The following PPP1R12B variants were observed in gnomAD, a reference collection of about 807,000 sequenced individuals.
PPP1R12B encodes the protein protein phosphatase 1 regulatory subunit 12B.
PPP1R12B carries 76 observed loss-of-function variants against 126.1 expected under a neutral mutation model. The observed-to-expected ratio is 0.60, with a 90% CI of 0.50 to 0.73. The LOEUF (loss-of-function observed/expected upper bound fraction) is 0.73. Among genes scored for constraint, PPP1R12B ranks in the 30% least tolerant of loss-of-function variants. The pLI is 0.00. For missense variants in PPP1R12B, 1,052 were observed against 1,205.1 expected, an observed-to-expected ratio of 0.87 and a Z score of 1.88; for synonymous variants, 356 against 434.7, an observed-to-expected ratio of 0.82 and a Z score of 2.25.
rs369270703 is a variant in PPP1R12B, at chr1:202,438,009, G to A, written c.1443G>A (p.Leu481=). 1.2e-4 allele frequency: 192 copies of A among 1,613,770 alleles called. No homozygotes were observed. In the African/African-American group the frequency reaches 1.7e-3, roughly 14 times the overall value. Residue 481 remains leucine, a synonymous_variant, in exon 10 of 24, where the codon CTG becomes CTA. Transcript: ENST00000608999. ...CAAGCCCTCGGATTTCTGCTCTACT[G>A]GACAACAAAGATAAGGTGCAGTTTG... is the stretch of plus-strand genomic sequence containing the variant. ...SSSSPRISAL[L]DNKDKERENK...
At chr1:202,410,286 A>G (rs1667219873) in intron 1 of PPP1R12B, 1 of 152,218 alleles carries the variant, frequency 6.6e-6, no homozygotes, top group South Asian at 2.1e-4. Context: ...ATATACTCTC[A>G]ACAATTTTGT....
At chr1:202,575,497 A>T (rs966446001) in intron 23 of PPP1R12B, 6 of 167,212 alleles carry the variant, frequency 3.6e-5, no homozygotes, top group Admixed American at 6.3e-5. Context: ...ACATATACAT[A>T]TTTCATTGAC....
intron 3 of PPP1R12B, among the ~76,000 whole-genome samples, chr1:202,424,919 C>T (rs910803275): frequency 6.6e-6 from 1 of 152,134 alleles, no homozygotes; most frequent in Non-Finnish European, 1.5e-5. Context: ...TATATATCTT[C>T]AAGTCAGTGT....
chr1:202,467,845 G>A (rs1675254030), intron 13 of PPP1R12B, among the ~76,000 whole-genome samples: 1 of 152,172 alleles, frequency 6.6e-6, no homozygotes. Flanking sequence ...CACCAACAGT[G>A]TAAAAGTGTT....
intron 1 of PPP1R12B, among the ~76,000 whole-genome samples, chr1:202,380,623 C>T (rs921352008): frequency 1.3e-5 from 2 of 152,128 alleles, no homozygotes; most frequent in African/African-American, 2.4e-5. Flanking sequence ...TTGGCTCTGT[C>T]TTCTCAGTGT....
chr1:202,387,245 G>A (rs16865051), intron 1 of PPP1R12B, among the ~76,000 whole-genome samples: 6,174 of 152,280 alleles, frequency 0.041, 340 homozygotes, highest in African/African-American at 0.12. Context: ...AACAACGTCA[G>A]TGTGGCATAT....
chr1:202,361,377 A>G (rs1043457370), intron 1 of PPP1R12B, among the ~76,000 whole-genome samples: 1 of 152,196 alleles, frequency 6.6e-6, no homozygotes, highest in African/African-American at 2.4e-5. Flanking sequence ...AGTCATGCAA[A>G]AGGCAAAGGG....
intron 1 of PPP1R12B, among the ~76,000 whole-genome samples, chr1:202,405,486 T>C (rs560468437): frequency 2.0e-5 from 3 of 152,344 alleles, no homozygotes; most frequent in African/African-American, 7.2e-5. Context: ...GGGTCCCTTG[T>C]TAACTCTGGA....
intron 18 of PPP1R12B, among the ~76,000 whole-genome samples, chr1:202,503,170 A>G (rs1262013771): frequency 6.6e-6 from 1 of 152,238 alleles, no homozygotes; most frequent in Non-Finnish European, 1.5e-5. Flanking sequence ...AGCAGGCAGT[A>G]AAGATGCTGA....
chr1:202,416,750 A>G (rs1444877675), intron 1 of PPP1R12B, 37 bp from the exon 2 acceptor site: 1 of 1,599,928 alleles, frequency 6.3e-7, no homozygotes, highest in African/African-American at 1.3e-5. Flanking sequence ...AACTCAATGA[A>G]TACTTGTTGA....
chr1:202,420,288 G>A (rs1370327814), intron 2 of PPP1R12B, among the ~76,000 whole-genome samples: 6 of 152,198 alleles, frequency 3.9e-5, no homozygotes, highest in Admixed American at 2.6e-4. Context: ...TGTTTGTTGG[G>A]GAGGAGAAGA....
chr1:202,523,017 A>G (rs1370459453), intron 18 of PPP1R12B, among the ~76,000 whole-genome samples: 1 of 152,254 alleles, frequency 6.6e-6, no homozygotes, highest in African/African-American at 2.4e-5. Context: ...ACTCAAGAAC[A>G]TAAAGAATTT....
At chr1:202,556,474 G>A (rs1040496359) in intron 18 of PPP1R12B, among the ~76,000 whole-genome samples, 2 of 152,042 alleles carry the variant, frequency 1.3e-5, no homozygotes, top group Non-Finnish European at 2.9e-5. Context: ...TGGAATTTTA[G>A]GGAAACGTTC....
chr1:202,500,794 A>G (rs1243626347), intron 18 of PPP1R12B, among the ~76,000 whole-genome samples: 7 of 152,382 alleles, frequency 4.6e-5, no homozygotes, highest in Admixed American at 3.3e-4. Flanking sequence ...ATCATTACAT[A>G]TTGCATATAT....
chr1:202,353,219 G>C (rs1440087837), intron 1 of PPP1R12B, among the ~76,000 whole-genome samples: 2 of 152,154 alleles, frequency 1.3e-5, no homozygotes. Flanking sequence ...AATAAAACTT[G>C]TGCTTTTAAC....
At chr1:202,446,228 C>G (rs1672232050) in intron 12 of PPP1R12B, among the ~76,000 whole-genome samples, 2 of 63,976 alleles carry the variant, frequency 3.1e-5, no homozygotes, top group Admixed American at 4.1e-4. Flanking sequence ...CTCTCTCTCT[C>G]TCTCTCTCTA....
intron 10 of PPP1R12B, chr1:202,439,667 C>T (rs1671355314): frequency 1.5e-6 from 1 of 689,556 alleles, no homozygotes; most frequent in African/African-American, 1.8e-5. Context: ...CTGGTCCGGC[C>T]CCCTTCTCCA....
intron 14 of PPP1R12B, among the ~76,000 whole-genome samples, chr1:202,488,941 G>A (rs529284274): frequency 6.6e-6 from 1 of 152,304 alleles, no homozygotes; most frequent in Non-Finnish European, 1.5e-5. Context: ...TACTCGGGAG[G>A]ATGAGGTGGG....
At chr1:202,539,774 G>C (rs1213806250) in intron 18 of PPP1R12B, 1 of 158,658 alleles carries the variant, frequency 6.3e-6, no homozygotes, top group African/African-American at 2.4e-5. Flanking sequence ...CAGGAACCTA[G>C]ACTCAGGTTT....
Sources: gnomAD v4.1 joint callset for allele counts (sites outside exome capture counted in the v4.1 genomes callset) on GRCh38, gnomAD v4.1.1 for gene constraint, MANE v1.5 for transcripts, NCBI Gene and HGNC (gene_info 2026-07-23, HGNC 2026-07-21) for gene names.